The following PTBP2 variants were observed in gnomAD, a reference collection of about 807,000 sequenced individuals.
PTBP2 encodes the protein polypyrimidine tract binding protein 2, also known as polypyrimidine tract-binding protein 2.
Under a neutral mutation model 61.4 loss-of-function variants are expected in PTBP2, and 13 were observed. That is an observed-to-expected ratio of 0.21 (90% confidence interval 0.14 to 0.34). The LOEUF (loss-of-function observed/expected upper bound fraction) is 0.34. Among genes scored for constraint, PTBP2 ranks in the 10% least tolerant of loss-of-function variants. The probability of loss-of-function intolerance (pLI) is 1.00; values close to 1 mark genes in which losing one functional copy is unlikely to be tolerated. For missense variants in PTBP2, 405 were observed against 642.6 expected (o/e 0.63, Z 4.00); for synonymous variants, 215 against 218.5 (o/e 0.98, Z 0.14).
chr1:96,766,852 T>G (rs879609394), intron 3 of PTBP2, among the ~76,000 whole-genome samples: 1 of 152,118 alleles, frequency 6.6e-6, no homozygotes, highest in Non-Finnish European at 1.5e-5. Context: ...TGTTTGTTTT[T>G]GAGATCCTAC....
chr1:96,782,309 T>C (rs1223837298), intron 7 of PTBP2, among the ~76,000 whole-genome samples: 1 of 152,034 alleles, frequency 6.6e-6, no homozygotes, highest in Non-Finnish European at 1.5e-5. Flanking sequence ...CACTAACTGA[T>C]AATAAAAATA....
intron 8 of PTBP2, among the ~76,000 whole-genome samples, chr1:96,795,352 T>C (rs992680484): frequency 6.6e-6 from 1 of 152,146 alleles, no homozygotes; most frequent in Non-Finnish European, 1.5e-5. Flanking sequence ...TAATAGGACT[T>C]GGCATCTTAC....
rs1232683663 is a variant in PTBP2 at position 96,739,618 on chromosome 1, G to GGTT, written c.40-11807_40-11806insGTT. Among the ~76,000 whole-genome samples, 31 of 83,778 alleles carry GGTT rather than the reference G, an allele frequency of 3.7e-4. 1 individual carries two copies. The highest frequency in any genetic ancestry group is 6.4e-4 in the Admixed American group (5 of 7,802). 55.0% of individuals were successfully genotyped at this position (83,778 alleles called of 152,430 possible). On this transcript the variant is annotated intron_variant, in intron 2 of 13. Coordinates refer to ENST00000674951, the MANE Select transcript of PTBP2 (RefSeq NM_021190.4). ...GCTACAAAATCTGAAACTGGTGTGT[G>GGTT]TTTTTTTTTTTTTTTTTTTTTTTTT...
chr1:96,735,251 T>G (rs1034146309), intron 2 of PTBP2, among the ~76,000 whole-genome samples: 3 of 152,134 alleles, frequency 2.0e-5, no homozygotes, highest in African/African-American at 7.2e-5. Flanking sequence ...TCTTAAAGGA[T>G]ATCTAAAAAG....
intron 8 of PTBP2, among the ~76,000 whole-genome samples, chr1:96,798,906 T>A (rs934864160): frequency 2.0e-5 from 3 of 152,232 alleles, no homozygotes; most frequent in Non-Finnish European, 4.4e-5. Context: ...ATACAATTTC[T>A]AAATGATTTA....
chr1:96,799,053 A>G (rs1660685755), intron 8 of PTBP2, among the ~76,000 whole-genome samples: 1 of 152,154 alleles, frequency 6.6e-6, no homozygotes, highest in African/African-American at 2.4e-5. Flanking sequence ...GTCTCTTGTC[A>G]TATACATGAC....
At chr1:96,789,939 C>A (rs896153259) in intron 8 of PTBP2, among the ~76,000 whole-genome samples, 107 of 152,214 alleles carry the variant, frequency 7.0e-4, no homozygotes, top group African/African-American at 2.4e-3. Flanking sequence ...TTAATGTCCT[C>A]AAATACCCAG....
chr1:96,781,257 A>C (rs1457377155), intron 7 of PTBP2, among the ~76,000 whole-genome samples: 1 of 151,852 alleles, frequency 6.6e-6, no homozygotes, highest in African/African-American at 2.4e-5. Context: ...CACCATTTTG[A>C]CATCTTCCCC....
intron 8 of PTBP2, 56 bp downstream of exon 8, chr1:96,785,310 C>A: frequency 1.5e-6 from 2 of 1,349,170 alleles, no homozygotes; most frequent in Non-Finnish European, 2.0e-6. Context: ...TGGAAAAGTA[C>A]CAGTAAGTAT....
intron 8 of PTBP2, among the ~76,000 whole-genome samples, chr1:96,799,458 G>A (rs1660759552): frequency 2.0e-5 from 3 of 151,772 alleles, no homozygotes; most frequent in Admixed American, 2.0e-4. Flanking sequence ...ACCACGCCCA[G>A]CTAATTTTTT....
chr1:96,742,468 C>T (rs187163301), intron 2 of PTBP2, among the ~76,000 whole-genome samples: 92 of 152,088 alleles, frequency 6.0e-4, no homozygotes, highest in African/African-American at 2.0e-3. Flanking sequence ...ATATCAAGCA[C>T]CTATGTTTTC....
At chr1:96,762,426 C>T (rs1319037764) in intron 3 of PTBP2, among the ~76,000 whole-genome samples, 1 of 148,496 alleles carries the variant, frequency 6.7e-6, no homozygotes, top group Non-Finnish European at 1.5e-5. Context: ...CCGGATGGGG[C>T]AGCTGGCCGG....
intron 11 of PTBP2, among the ~76,000 whole-genome samples, chr1:96,810,274 A>G (rs926083953): frequency 5.3e-5 from 8 of 152,174 alleles, no homozygotes; most frequent in African/African-American, 1.4e-4. Context: ...GGAATAGGAG[A>G]GTTCAAGTGT....
chr1:96,739,619 T>G (rs12755492), intron 2 of PTBP2, among the ~76,000 whole-genome samples: 30,691 of 77,692 alleles, frequency 0.4, 4,978 homozygotes, highest in East Asian at 0.52. Flanking sequence ...CTGGTGTGTG[T>G]TTTTTTTTTT....
intron 7 of PTBP2, among the ~76,000 whole-genome samples, chr1:96,783,567 A>C (rs1489918027): frequency 6.6e-6 from 1 of 152,032 alleles, no homozygotes; most frequent in Non-Finnish European, 1.5e-5. Context: ...CTGTGACTCA[A>C]ACCCAGCTCT....
In PTBP2 at chr1:96,777,871, C is replaced by T; in HGVS notation, c.633C>T (p.Ile211=). Residue 211 remains isoleucine, a synonymous_variant, in exon 7 of 14, where the codon ATC becomes ATT. Coordinates refer to ENST00000674951, the MANE Select transcript of PTBP2 (RefSeq NM_021190.4). ...AGTTTGGTGCTGTATTGAAGATAAT[C>T]ACATTTACAAAAAATAACCAGTTTC... is the stretch of plus-strand genomic sequence containing the variant. ...FSKFGAVLKI[I]TFTKNNQFQA... 6.3e-7 allele frequency: 1 copy of T among 1,588,064 alleles called. No homozygotes were observed. Among genetic ancestry groups the T allele is most frequent in the South Asian group, 1.2e-5 (1 of 84,588 alleles).
intron 2 of PTBP2, among the ~76,000 whole-genome samples, chr1:96,743,741 A>G (rs572622458): frequency 1.3e-5 from 2 of 152,178 alleles, no homozygotes; most frequent in Non-Finnish European, 2.9e-5. Context: ...GTATCGTCGC[A>G]ACAGCAAAGA....
intron 5 of PTBP2, among the ~76,000 whole-genome samples, chr1:96,775,689 TTGTG>T (rs201814351): frequency 6.6e-6 from 1 of 151,994 alleles, no homozygotes; most frequent in Non-Finnish European, 1.5e-5. Flanking sequence ...TTGTGTCCTT[TTGTG>T]TGTGTGTGTA....
chr1:96,755,002 C>G (rs917388619), intron 3 of PTBP2, among the ~76,000 whole-genome samples: 3 of 152,186 alleles, frequency 2.0e-5, no homozygotes, highest in African/African-American at 7.2e-5. Context: ...AATTTGACAT[C>G]AGAATTAAAA....
Sources: allele counts gnomAD v4.1 joint callset (sites outside exome capture counted in the v4.1 genomes callset), GRCh38; gene constraint gnomAD v4.1.1; transcripts MANE v1.5; gene names NCBI Gene and HGNC (gene_info 2026-07-23, HGNC 2026-07-21).